ARHGAP10: variants seen among roughly 807,000 people sequenced by gnomAD.
ARHGAP10 encodes the protein Rho GTPase activating protein 10, also known as rho GTPase-activating protein 10.
A neutral mutation model predicts 108.6 loss-of-function variants in ARHGAP10; 87 were observed. The observed-to-expected ratio is 0.80, with a 90% CI of 0.67 to 0.96. The LOEUF is 0.96. Among genes scored for constraint, ARHGAP10 ranks in the 40% least tolerant of loss-of-function variants. The pLI is 0.00. For missense variants in ARHGAP10, 939 were observed against 954.5 expected, an observed-to-expected ratio of 0.98 and a Z score of 0.21; for synonymous variants, 347 against 341.1, an observed-to-expected ratio of 1.02 and a Z score of -0.19.
Position 147,875,019 on chromosome 4 carries a change from A to G in ARHGAP10, c.703-2A>G, listed in dbSNP as rs1239015999. ...TTATGTGTGTTTTTTAATCCATTTC[A>G]GACACGGAATCGATTTGAAGGAACA... On this transcript the variant is annotated splice_acceptor_variant, in intron 7 of 22. Transcript: ENST00000336498. LOFTEE classifies it high-confidence loss of function. 14 of 1,579,654 alleles carry G rather than the reference A, an allele frequency of 8.9e-6. No homozygotes were observed. The highest frequency in any genetic ancestry group is 1.2e-5 in the Non-Finnish European group (14 of 1,169,804).
intron 15 of ARHGAP10, among the ~76,000 whole-genome samples, chr4:147,950,748 C>T (rs939807632): frequency 1.3e-5 from 2 of 151,946 alleles, no homozygotes; most frequent in African/African-American, 4.8e-5. Flanking sequence ...GAATACCAGC[C>T]CTCTGAATGA....
intron 10 of ARHGAP10, among the ~76,000 whole-genome samples, chr4:147,901,180 AT>A (rs1736219979): frequency 1.3e-5 from 2 of 152,192 alleles, no homozygotes; most frequent in Admixed American, 6.5e-5. Context: ...TAAGCAATTG[AT>A]TATTAGAAAA....
chr4:147,900,732 A>G (rs1736203076), intron 10 of ARHGAP10, among the ~76,000 whole-genome samples: 1 of 152,150 alleles, frequency 6.6e-6, no homozygotes, highest in African/African-American at 2.4e-5. Context: ...TGGAGTCACT[A>G]GTGTTAGCTT....
chr4:147,775,569 A>G (rs1730253239), intron 1 of ARHGAP10, among the ~76,000 whole-genome samples: 1 of 152,200 alleles, frequency 6.6e-6, no homozygotes, highest in Non-Finnish European at 1.5e-5. Flanking sequence ...GATTATTGTC[A>G]GTACCCCTGG....
At chr4:147,911,993 A>ATG (rs1560822641) in intron 12 of ARHGAP10, among the ~76,000 whole-genome samples, 2 of 108,640 alleles carry the variant, frequency 1.8e-5, no homozygotes, top group African/African-American at 8.6e-5. Context: ...AAGAACATTC[A>ATG]CGTGTGTGTG....
intron 16 of ARHGAP10, among the ~76,000 whole-genome samples, chr4:147,956,946 T>G (rs2126985976): frequency 6.6e-6 from 1 of 152,230 alleles, no homozygotes; most frequent in African/African-American, 2.4e-5. Flanking sequence ...AGCTTATATC[T>G]TAAGAGGTAA....
At chr4:147,993,861 A>G (rs570740299) in intron 18 of ARHGAP10, among the ~76,000 whole-genome samples, 42 of 152,368 alleles carry the variant, frequency 2.8e-4, no homozygotes, top group African/African-American at 8.9e-4. Flanking sequence ...GAGGGTAGGC[A>G]TTAAAGGCTC....
At chr4:147,970,465 A>T (rs1302019506) in intron 18 of ARHGAP10, among the ~76,000 whole-genome samples, 3 of 152,108 alleles carry the variant, frequency 2.0e-5, no homozygotes, top group Non-Finnish European at 4.4e-5. Flanking sequence ...TAAACTGGGG[A>T]GGAAAGGAAG....
At chr4:148,021,080 T>C (rs1027290549) in intron 18 of ARHGAP10, among the ~76,000 whole-genome samples, 6 of 152,232 alleles carry the variant, frequency 3.9e-5, no homozygotes, top group African/African-American at 1.4e-4. Context: ...CAAAGCCTGT[T>C]ACTCATTCCC....
rs527244191 is a variant in ARHGAP10 at position 147,947,590 on chromosome 4, G to A, written c.1391+886G>A. Among the ~76,000 whole-genome samples, 43 of 151,896 alleles carry A rather than the reference G, an allele frequency of 2.8e-4. No individual in the cohort carries two copies. In the South Asian group the frequency reaches 7.9e-3, roughly 28 times the overall value. On this transcript the variant is annotated intron_variant, in intron 15 of 22. Transcript: ENST00000336498. ...GCTAAGTTTTGTAATTTTAGTAGAG[G>A]TGGGGTTTCGCCATGTTGACCAGGC... is the stretch of plus-strand genomic sequence containing the variant.
chr4:147,986,022 T>G (rs188475361), intron 18 of ARHGAP10, among the ~76,000 whole-genome samples: 31 of 152,330 alleles, frequency 2.0e-4, no homozygotes, highest in African/African-American at 7.2e-4. Context: ...TTTTCCTGTT[T>G]GAATTAAAGC....
intron 13 of ARHGAP10, among the ~76,000 whole-genome samples, chr4:147,922,548 C>T (rs1381666517): frequency 2.6e-5 from 4 of 151,104 alleles, no homozygotes; most frequent in African/African-American, 7.3e-5. Flanking sequence ...AATAGCCGGG[C>T]GTAGTGGCGG....
chr4:147,775,115 A>G (rs1259329075), intron 1 of ARHGAP10, among the ~76,000 whole-genome samples: 1 of 152,004 alleles, frequency 6.6e-6, no homozygotes, highest in East Asian at 1.9e-4. Context: ...GGGTTTCACC[A>G]TGTTGGCCAG....
rs371544408 is a variant in ARHGAP10 at position 147,911,533 on chromosome 4, A to T, written c.1163-1541A>T. 4.7e-3 allele frequency among the ~76,000 whole-genome samples: 709 copies of T among 152,056 alleles called. 6 individuals are homozygous for T. The highest frequency in any genetic ancestry group is 0.011 in the East Asian group (59 of 5,156). ...GCCCACCATCACGCCCGGCTAATTT[A>T]TTGTATTTTTAGTAGAGACGGGGTT... On this transcript the variant is annotated intron_variant, in intron 12 of 22. Transcript: ENST00000336498.
At chr4:147,869,558 G>A (rs185215415) in intron 7 of ARHGAP10, among the ~76,000 whole-genome samples, 8 of 151,236 alleles carry the variant, frequency 5.3e-5, no homozygotes, top group African/African-American at 1.9e-4. Context: ...TTTCTGTAGA[G>A]AAATGGGGAA....
chr4:147,845,324 C>G (rs1012315275), intron 3 of ARHGAP10, among the ~76,000 whole-genome samples: 2 of 152,214 alleles, frequency 1.3e-5, no homozygotes, highest in Non-Finnish European at 2.9e-5. Flanking sequence ...CTTAGGTGTT[C>G]ATGTATCTGG....
At position 148,023,407 on chromosome 4, in the gene ARHGAP10, G is replaced by C. The variant is rs112034189; in HGVS notation, c.1861G>C (p.Glu621Gln). 43 of 1,613,276 alleles carry C rather than the reference G, an allele frequency of 2.7e-5. 1 individual carries two copies. In the Middle Eastern group the frequency reaches 4.9e-4, roughly 19 times the overall value. Residue 621 changes from glutamate (E) to glutamine (Q), a missense_variant, in exon 19 of 23, where the codon GAA (glutamate) becomes CAA (glutamine). By Grantham distance (29) the Glu-to-Gln change is conservative (BLOSUM62 2). Transcript: ENST00000336498. ...CGTCTACAATCTTTGTCTGGAGCTG[G>C]AAGATGGTAAGATGTTAATGATATT... ...VAVYNLCLEL[E>Q]DGDNPYPSKE...
chr4:147,752,026 T>C (rs2126693432), intron 1 of ARHGAP10, among the ~76,000 whole-genome samples: 1 of 151,822 alleles, frequency 6.6e-6, no homozygotes, highest in South Asian at 2.1e-4. Flanking sequence ...GCTAGGACTA[T>C]AGGCGTGCGC....
intron 1 of ARHGAP10, among the ~76,000 whole-genome samples, chr4:147,734,607 A>G (rs1214167755): frequency 1.3e-5 from 2 of 152,206 alleles, no homozygotes; most frequent in African/African-American, 4.8e-5. Flanking sequence ...GACTAAAGTC[A>G]GGGGACCTGA....
Sources: allele counts gnomAD v4.1 joint callset (sites outside exome capture counted in the v4.1 genomes callset), GRCh38; gene constraint gnomAD v4.1.1; transcripts MANE v1.5; gene names NCBI Gene and HGNC (gene_info 2026-07-23, HGNC 2026-07-21).